The following SIK2 variants were observed in gnomAD, a reference collection of about 807,000 sequenced individuals.
The protein encoded by SIK2 is serine/threonine-protein kinase SIK2.
Under a neutral mutation model 103.2 loss-of-function variants are expected in SIK2, and 29 were observed. That is an observed-to-expected ratio of 0.28 (90% confidence interval 0.21 to 0.38). The LOEUF (loss-of-function observed/expected upper bound fraction) is 0.38. Among genes scored for constraint, SIK2 ranks in the 10% least tolerant of loss-of-function variants. SIK2 has a pLI of 1.00. For missense variants in SIK2, 879 were observed against 1,171.0 expected (o/e 0.75, Z 3.64); for synonymous variants, 412 against 446.1 (o/e 0.92, Z 0.96).
chr11:111,611,633 A>G (rs921727817), intron 1 of SIK2, among the ~76,000 whole-genome samples: 1 of 152,196 alleles, frequency 6.6e-6, no homozygotes, highest in African/African-American at 2.4e-5. Context: ...TTATACAGGA[A>G]ACCTTTATTC....
Position 111,726,903 on chromosome 11 carries a change from C to A in SIK2, c.*2774C>A, listed in dbSNP as rs894647378. 1.9e-6 allele frequency: 3 copies of A among 1,538,524 alleles called. No individual in the cohort carries two copies. Among genetic ancestry groups the A allele is most frequent in the Non-Finnish European group, 2.7e-6 (3 of 1,116,524 alleles). On this transcript the variant is annotated 3_prime_UTR_variant, in exon 15 of 15. Coordinates refer to ENST00000304987, the MANE Select transcript of SIK2 (RefSeq NM_015191.3). The stretch of plus-strand genomic sequence containing the variant: ...ATGAACGTGAGGTAAAAATTTCGTT[C>A]GGCAAAAAGTGCAATATGTGTGGTA...
At chr11:111,618,532 A>T (rs375103204) in intron 2 of SIK2, among the ~76,000 whole-genome samples, 1 of 152,140 alleles carries the variant, frequency 6.6e-6, no homozygotes, top group South Asian at 2.1e-4. Context: ...AGCCCAGTGC[A>T]GTGACATGTA....
chr11:111,651,005 CT>C (rs1942319353), intron 3 of SIK2, among the ~76,000 whole-genome samples: 1 of 151,928 alleles, frequency 6.6e-6, no homozygotes, highest in African/African-American at 2.4e-5. Context: ...TTTAATGGAC[CT>C]CTGTCTTTTA....
At chr11:111,644,287 CAAA>C (rs559236704) in intron 3 of SIK2, among the ~76,000 whole-genome samples, 11 of 42,034 alleles carry the variant, frequency 2.6e-4, no homozygotes, top group African/African-American at 4.9e-4. Context: ...GACTCCATCT[CAAA>C]AAAAAAAAAA....
At chr11:111,712,130 A>T in intron 8 of SIK2, 81 bp from the exon 9 acceptor site, 1 of 1,368,210 alleles carries the variant, frequency 7.3e-7, no homozygotes, top group Non-Finnish European at 1.0e-6. Flanking sequence ...CACAGGAAGA[A>T]TTATTTTATT....
At chr11:111,630,866 GA>G (rs1223943104) in intron 3 of SIK2, among the ~76,000 whole-genome samples, 2 of 152,138 alleles carry the variant, frequency 1.3e-5, no homozygotes, top group Non-Finnish European at 2.9e-5. Context: ...ACTACCTTTT[GA>G]AGTTCTCAAG....
chr11:111,639,358 A>C (rs1235300497), intron 3 of SIK2, among the ~76,000 whole-genome samples: 1 of 152,148 alleles, frequency 6.6e-6, no homozygotes, highest in Non-Finnish European at 1.5e-5. Context: ...CTGGAATTCT[A>C]ATTTCTGTCT....
chr11:111,648,268 A>C (rs1019080653), intron 3 of SIK2, among the ~76,000 whole-genome samples: 18 of 143,290 alleles, frequency 1.3e-4, no homozygotes, highest in Non-Finnish European at 1.3e-4. Context: ...TTGAGCTGCT[A>C]TAACAAAATA....
chr11:111,712,837 C>T (rs1591639316), intron 9 of SIK2, among the ~76,000 whole-genome samples: 2 of 152,296 alleles, frequency 1.3e-5, no homozygotes, highest in Middle Eastern at 6.8e-3. Context: ...ATCAGTTATA[C>T]ATGTGTTTTT....
intron 3 of SIK2, among the ~76,000 whole-genome samples, chr11:111,631,721 C>G (rs1408320851): frequency 6.6e-6 from 1 of 152,180 alleles, no homozygotes; most frequent in Non-Finnish European, 1.5e-5. Flanking sequence ...TTCTCTTCTA[C>G]TCTTAGCACA....
intron 1 of SIK2, among the ~76,000 whole-genome samples, chr11:111,612,820 A>G (rs1941744438): frequency 6.6e-6 from 1 of 151,738 alleles, no homozygotes; most frequent in Non-Finnish European, 1.5e-5. Context: ...TAGAGTTCCC[A>G]TGTTACAAGG....
rs1943873462 is a variant in SIK2, at chr11:111,723,700, G to C, written c.2352G>C (p.Gln784His). ...LSPVLEPSSEQMQYSPFLSQY... is the reference protein window; with the variant it reads ...LSPVLEPSSEHMQYSPFLSQY... ...CCGTCCTGGAGCCTTCCTCCGAGCAGATGCAATACAGCCCTTTCCTCAGCC... is the reference window on the plus strand; with the variant it reads ...CCGTCCTGGAGCCTTCCTCCGAGCACATGCAATACAGCCCTTTCCTCAGCC... The change falls in exon 15 of 15, where the codon CAG becomes CAC. Residue 784 changes from glutamine (Q) to histidine (H), a missense_variant. By Grantham distance (24) the Gln-to-His change is conservative. Around this residue, in one of 7 missense-constraint regions of SIK2, gnomAD observed 375 missense variants for 416.3 expected, o/e 0.90. Transcript: ENST00000304987. 1 of 1,614,060 alleles carries C rather than the reference G, an allele frequency of 6.2e-7. No homozygotes were observed. Among genetic ancestry groups the C allele is most frequent in the South Asian group, 1.1e-5 (1 of 91,082 alleles).
At chr11:111,721,092 C>T (rs1050903081) in intron 12 of SIK2, 30 bp downstream of exon 12, 2 of 1,591,842 alleles carry the variant, frequency 1.3e-6, no homozygotes, top group Non-Finnish European at 1.7e-6. Flanking sequence ...CCCTCAATGG[C>T]TCTGTGAGGA....
intron 3 of SIK2, among the ~76,000 whole-genome samples, chr11:111,633,927 G>T (rs150947382): frequency 1.3e-5 from 2 of 152,156 alleles, no homozygotes; most frequent in South Asian, 4.1e-4. Flanking sequence ...AATCACAGGT[G>T]TGATTAATGA....
intron 2 of SIK2, among the ~76,000 whole-genome samples, chr11:111,618,918 C>CTTT (rs1390793557): frequency 3.9e-5 from 6 of 152,058 alleles, no homozygotes; most frequent in South Asian, 2.1e-4. Flanking sequence ...ATATTTTTTG[C>CTTT]AGAGACAGGA....
intron 3 of SIK2, among the ~76,000 whole-genome samples, chr11:111,625,175 A>G (rs375319870): frequency 2.6e-5 from 4 of 152,256 alleles, no homozygotes; most frequent in South Asian, 4.1e-4. Context: ...TTAGGGAACC[A>G]TTTTCGGCTG....
intron 8 of SIK2, among the ~76,000 whole-genome samples, chr11:111,709,880 G>A (rs1316972645): frequency 6.6e-6 from 1 of 152,198 alleles, no homozygotes; most frequent in East Asian, 1.9e-4. Context: ...AGGACTATGT[G>A]CTACGCTTGG....
chr11:111,677,389 G>T (rs1034133582), intron 3 of SIK2, among the ~76,000 whole-genome samples: 1 of 151,886 alleles, frequency 6.6e-6, no homozygotes, highest in Non-Finnish European at 1.5e-5. Flanking sequence ...TTCTATTATT[G>T]TCTTGAAGTA....
intron 3 of SIK2, among the ~76,000 whole-genome samples, chr11:111,672,856 G>A (rs928008123): frequency 9.2e-5 from 14 of 152,310 alleles, no homozygotes; most frequent in South Asian, 4.1e-4. Flanking sequence ...ACCACTATTC[G>A]TTTAAAATCT....
Sources: allele counts gnomAD v4.1 joint callset (sites outside exome capture counted in the v4.1 genomes callset), GRCh38; gene constraint gnomAD v4.1.1; regional missense constraint gnomAD v4.1.1; transcripts MANE v1.5; gene names NCBI Gene and HGNC (gene_info 2026-07-23, HGNC 2026-07-21).